Variants in PTCH1 observed in about 807,000 individuals in gnomAD.
PTCH1 encodes the protein patched 1.
PTCH1 carries 14 observed loss-of-function variants against 144.6 expected under a neutral mutation model. The ratio of observed to expected loss-of-function variants is 0.10; its 90% CI spans 0.06 to 0.15. The LOEUF is 0.15. Among genes scored for constraint, PTCH1 ranks in the 10% least tolerant of loss-of-function variants. The pLI, the probability that PTCH1 is intolerant of heterozygous loss-of-function variation, is 1.00. For synonymous variants in PTCH1, 833 were observed against 793.6 expected (o/e 1.05, Z -0.83); for missense variants, 1,623 against 1,948.3 (o/e 0.83, Z 3.14).
Position 95,447,761 on chromosome 9 carries a change from G to A in PTCH1, c.3805-310C>T, listed in dbSNP as rs765179664. Among the ~76,000 whole-genome samples, 11 of 152,258 alleles carry A rather than the reference G, an allele frequency of 7.2e-5. No individual in the cohort carries two copies. The South Asian group carries it at 1.0e-3, about 14-fold the overall frequency. On this transcript the variant is annotated intron_variant, in intron 22 of 23. Coordinates refer to ENST00000331920, the MANE Select transcript of PTCH1 (RefSeq NM_000264.5). ...CTGCTGCCCCCCACAACCTGCCCCC[G>A]ACCCTGTTAGGTTCTGCAGGCTCTG... is the stretch of plus-strand genomic sequence containing the variant.
chr9:95,506,889 A>C lies in PTCH1; in HGVS notation c.202-290T>G, dbSNP rs1460269310. 5 of 1,140,998 alleles carry C rather than the reference A, an allele frequency of 4.4e-6. No homozygotes were observed. In the African/African-American group the frequency reaches 8.1e-5, roughly 18 times the overall value. The allele number at this position is 1,140,998 out of a possible 1,614,324, so 70.7% of individuals were successfully genotyped here. On this transcript the variant is annotated intron_variant, in intron 1 of 23. Transcript: ENST00000331920. ...CACTGGGGCTGCAATACAGAAGAGG[A>C]AGCCGAGGTAGAGAGGAGAGAAACC...
chr9:95,447,990 C>T (rs1464176532), intron 22 of PTCH1, among the ~76,000 whole-genome samples: 2 of 152,228 alleles, frequency 1.3e-5, no homozygotes, highest in South Asian at 2.1e-4. Context: ...CACGTGTGGC[C>T]GGTGGCTCCC....
chr9:95,446,115 C>T lies in PTCH1; in HGVS notation c.*278G>A. On this transcript the variant is annotated 3_prime_UTR_variant, in exon 24 of 24. Transcript: ENST00000331920. ...AGCCCAATGCACAAATACGGAGAGG[C>T]CCCACTGTGGCCTCCACACTCTGGG... The T allele has an allele frequency of 4.0e-6, 1 of 249,284 alleles. No individual in the cohort carries two copies. 15.4% of individuals were successfully genotyped at this position (249,284 alleles called of 1,614,324 possible). A position where few individuals can be genotyped will look rare whatever the true frequency, so the allele number is the denominator to read the frequency against.
chr9:95,450,076 G>A (rs1402493215), intron 20 of PTCH1, 136 bp from the exon 21 acceptor site: 14 of 790,896 alleles, frequency 1.8e-5, no homozygotes, highest in South Asian at 2.9e-5. Flanking sequence ...TTATCCAACC[G>A]CAGTTCACAT....
rs1215914099 is a variant in PTCH1, at chr9:95,469,911, G to C, written c.1749C>G (p.Phe583Leu). 1.2e-6 allele frequency: 2 copies of C among 1,613,954 alleles called. No individual in the cohort carries two copies. The highest frequency in any genetic ancestry group is 1.7e-6 in the Non-Finnish European group (2 of 1,179,982). Residue 583 changes from phenylalanine to leucine, a missense_variant, in exon 13 of 24, where the codon TTC becomes TTG. By Grantham distance (22) the Phe-to-Leu change is conservative (BLOSUM62 0). Transcript: ENST00000331920. ...FSLQAAVVVV[F>L]NFAMVLLIFP... ...AAATGAGCAGAACCATGGCAAAATT[G>C]AACACCACTACTACCGCTGCCTGGG...
chr9:95,487,781 T>C (rs1240003539), intron 2 of PTCH1, among the ~76,000 whole-genome samples: 1 of 152,236 alleles, frequency 6.6e-6, no homozygotes, highest in Non-Finnish European at 1.5e-5. Context: ...TTTTTCATTC[T>C]GATTACAAAG....
intron 9 of PTCH1, 50 bp downstream of exon 9, chr9:95,478,005 A>G: frequency 6.2e-7 from 1 of 1,613,874 alleles, no homozygotes; most frequent in Non-Finnish European, 8.5e-7. Flanking sequence ...GTAAAGACTA[A>G]AACAACCAAA....
chr9:95,479,957 G>C lies in PTCH1; in HGVS notation c.1067+12C>G, dbSNP rs200521100. ...ACTACAGGGCATAGATTGTCCTCGG[G>C]AGCTGGCTTACCTGACGAGTTTTCC... On this transcript the variant is annotated intron_variant, in intron 7 of 23. Transcript: ENST00000331920. The C allele has an allele frequency of 1.9e-6, 3 of 1,614,130 alleles. No homozygotes were observed. Among genetic ancestry groups the C allele is most frequent in the East Asian group, 2.2e-5 (1 of 44,876 alleles).
In PTCH1 at chr9:95,475,329, G is replaced by A. The variant is rs1234736738; in HGVS notation, c.1728+705C>T. Among the ~76,000 whole-genome samples the A allele has an allele frequency of 2.0e-5, 3 of 152,252 alleles. No homozygotes were observed. In the East Asian group the frequency reaches 5.8e-4, roughly 29 times the overall value. The stretch of plus-strand genomic sequence containing the variant: ...GGTCTGGAAGGAGAGGACAAGTCAC[G>A]AGGGGCCCACGTGCTCTGCATGGGA... On this transcript the variant is annotated intron_variant, in intron 12 of 23. Transcript: ENST00000331920.
At chr9:95,466,125 G>A (rs1485790969) in intron 15 of PTCH1, among the ~76,000 whole-genome samples, 4 of 152,078 alleles carry the variant, frequency 2.6e-5, no homozygotes, top group East Asian at 1.9e-4. Flanking sequence ...TAGGCTCACC[G>A]CAACCTCCAC....
chr9:95,486,637 T>C lies in PTCH1; in HGVS notation c.395-763A>G, dbSNP rs547812072. Among the ~76,000 whole-genome samples, 9 of 152,360 alleles carry C rather than the reference T, an allele frequency of 5.9e-5. No individual in the cohort carries two copies. The East Asian group carries it at 1.2e-3, about 20-fold the overall frequency. ...AAGTCCTGCCTCACACCAACCCAGC[T>C]TTCCAGCAAGCTGGCCAGCACGGGG... On this transcript the variant is annotated intron_variant, in intron 2 of 23. Transcript: ENST00000331920.
In PTCH1 at chr9:95,489,794, T is replaced by A. The variant is rs545766572; in HGVS notation, c.395-3920A>T. ...TAGCCATTTTTGCTGTGTGGTAGGCTATGGATAATTTTTTTTTTTTTTTTG... is the reference window on the plus strand; with the variant it reads ...TAGCCATTTTTGCTGTGTGGTAGGCAATGGATAATTTTTTTTTTTTTTTTG... On this transcript the variant is annotated intron_variant, in intron 2 of 23. Coordinates refer to ENST00000331920, the MANE Select transcript of PTCH1 (RefSeq NM_000264.5). 8.6e-5 allele frequency among the ~76,000 whole-genome samples: 13 copies of A among 151,540 alleles called. No individual in the cohort carries two copies. The East Asian group carries it at 2.5e-3, about 30-fold the overall frequency.
intron 12 of PTCH1, among the ~76,000 whole-genome samples, chr9:95,471,035 A>G (rs1481101114): frequency 6.6e-6 from 1 of 151,806 alleles, no homozygotes; most frequent in Admixed American, 6.6e-5. Context: ...GTGAGCCAAG[A>G]TTGCACCACT....
At chr9:95,494,261 C>T (rs182672851) in intron 2 of PTCH1, 1 of 985,436 alleles carries the variant, frequency 1.0e-6, no homozygotes, top group African/African-American at 1.7e-5. Context: ...CTGACGCAGA[C>T]CTGCTCGCCC....
intron 20 of PTCH1, 106 bp downstream of exon 20, chr9:95,453,372 C>A (rs1838637975): frequency 1.3e-6 from 2 of 1,538,310 alleles, no homozygotes. Context: ...CCTTCTGATC[C>A]ACCCGCCTCG....
intron 2 of PTCH1, among the ~76,000 whole-genome samples, chr9:95,503,611 A>C (rs911049622): frequency 4.6e-5 from 7 of 152,252 alleles, no homozygotes; most frequent in Non-Finnish European, 1.0e-4. Flanking sequence ...CAAGTGACTT[A>C]TGTCATTAGT....
chr9:95,453,456 C>T (rs761997573), intron 20 of PTCH1, 22 bp downstream of exon 20: 5 of 1,613,768 alleles, frequency 3.1e-6, no homozygotes, highest in Non-Finnish European at 4.2e-6. Flanking sequence ...TAAAACATGT[C>T]TCCTTGCACA....
Position 95,476,268 on chromosome 9 carries a change from TATC to T in PTCH1, c.1603-112_1603-110del. The T allele has an allele frequency of 2.7e-6, 4 of 1,485,372 alleles. No individual in the cohort carries two copies. Among genetic ancestry groups the T allele is most frequent in the Non-Finnish European group, 3.6e-6 (4 of 1,099,014 alleles). 92.0% of individuals were successfully genotyped at this position (1,485,372 alleles called of 1,614,324 possible). Reference sequence around the variant, plus strand: ...GAATAACACAACTGTTATTACAGCTTATCATGCTGGCATTAGGGAAACAGAGCC... The same window carrying T: ...GAATAACACAACTGTTATTACAGCTTATGCTGGCATTAGGGAAACAGAGCC... On this transcript the variant is annotated intron_variant, in intron 11 of 23. Coordinates refer to ENST00000331920, the MANE Select transcript of PTCH1 (RefSeq NM_000264.5). The surrounding 1 kb of genome is among the most constrained non-coding windows in gnomAD (Gnocchi z 4.6).
At chr9:95,450,385 G>C (rs971505333) in intron 20 of PTCH1, 2 of 253,274 alleles carry the variant, frequency 7.9e-6, no homozygotes, top group African/African-American at 2.3e-5. Flanking sequence ...AAACAATTTA[G>C]CCCAGGAGGA....
Sources: gnomAD v4.1 joint callset for allele counts (sites outside exome capture counted in the v4.1 genomes callset) on GRCh38, gnomAD v4.1.1 for gene constraint, Gnocchi (gnomAD v3.1) non-coding constraint, MANE v1.5 for transcripts, NCBI Gene and HGNC (gene_info 2026-07-23, HGNC 2026-07-21) for gene names.